The following RERE variants were observed in gnomAD, a reference collection of about 807,000 sequenced individuals.
RERE encodes arginine-glutamic acid dipeptide repeats protein.
Under a neutral mutation model 146.1 loss-of-function variants are expected in RERE, and 40 were observed. The ratio of observed to expected loss-of-function variants is 0.27; its 90% CI spans 0.21 to 0.36. The LOEUF (loss-of-function observed/expected upper bound fraction) is 0.36. Ranked by LOEUF, RERE falls within the 10% of genes least tolerant of loss-of-function variation. RERE has a pLI of 1.00. For synonymous variants in RERE, 1,003 were observed against 866.0 expected (o/e 1.16, Z -2.78); for missense variants, 1,933 against 2,138.7 (o/e 0.90, Z 1.90).
At chr1:8,526,430 G>A (rs1246177629) in intron 7 of RERE, among the ~76,000 whole-genome samples, 2 of 151,460 alleles carry the variant, frequency 1.3e-5, no homozygotes, top group Non-Finnish European at 2.9e-5. Flanking sequence ...AAACATAGTA[G>A]TAGCTACTTA....
intron 1 of RERE, among the ~76,000 whole-genome samples, chr1:8,745,177 T>C (rs1198854911): frequency 1.3e-5 from 2 of 152,096 alleles, no homozygotes; most frequent in East Asian, 3.9e-4. Context: ...GTTTCCCCCA[T>C]GATGTTCTAG....
At chr1:8,501,648 A>C (rs1204913290) in intron 8 of RERE, among the ~76,000 whole-genome samples, 150 of 39,558 alleles carry the variant, frequency 3.8e-3, no homozygotes, top group Middle Eastern at 0.019. Flanking sequence ...CCAGCCGCCC[A>C]GTCCGGGAGG....
rs1350394410 is a variant in RERE, at chr1:8,498,717, A to T, written c.880-1188T>A. On this transcript the variant is annotated intron_variant, in intron 8 of 22. Coordinates refer to ENST00000400908, the MANE Select transcript of RERE (RefSeq NM_001042681.2). Reference sequence around the variant, plus strand: ...TCTCAAAAAAAAAAAAAATAAAAAAAAAAAAATAAATATATACACACACAC... The same window carrying T: ...TCTCAAAAAAAAAAAAAATAAAAAATAAAAAATAAATATATACACACACAC... Among the ~76,000 whole-genome samples the T allele has an allele frequency of 2.4e-3, 322 of 134,248 alleles. 2 individuals are homozygous for T. The highest frequency in any genetic ancestry group is 8.2e-3 in the African/African-American group (289 of 35,050). The allele number at this position is 134,248 out of a possible 152,430, so 88.1% of individuals were successfully genotyped here.
At chr1:8,558,553 A>C (rs1332176055) in intron 4 of RERE, among the ~76,000 whole-genome samples, 2 of 152,216 alleles carry the variant, frequency 1.3e-5, no homozygotes, top group Non-Finnish European at 2.9e-5. Context: ...GAAATGCCTC[A>C]TGTTTATAAA....
rs1640633103 is a variant in RERE at position 8,756,028 on chromosome 1, G to A, written c.-145+61132C>T. Among the ~76,000 whole-genome samples, 3 of 152,096 alleles carry A rather than the reference G, an allele frequency of 2.0e-5. No homozygotes were observed. In the South Asian group the frequency reaches 6.2e-4, roughly 32 times the overall value. ...ACCAAATTATCAGTCAAGTGTGGTG[G>A]CTATAGCTGTAATCCCAGCACTTTG... On this transcript the variant is annotated intron_variant, in intron 1 of 22. Transcript: ENST00000400908.
At chr1:8,614,497 T>C in intron 4 of RERE, 64 bp downstream of exon 4, 1 of 1,493,220 alleles carries the variant, frequency 6.7e-7, no homozygotes, top group Non-Finnish European at 9.1e-7. Flanking sequence ...GGAGGTAATA[T>C]TCCTATTTTA....
In RERE at chr1:8,799,355, G is replaced by A. The variant is rs184584842; in HGVS notation, c.-145+17805C>T. The A allele has an allele frequency of 1.7e-4, 27 of 154,896 alleles. No individual in the cohort carries two copies. In the South Asian group the frequency reaches 3.4e-3, roughly 20 times the overall value. The allele number at this position is 154,896 out of a possible 1,614,324, so 9.6% of individuals were successfully genotyped here. A position where few individuals can be genotyped will look rare whatever the true frequency, so the allele number is the denominator to read the frequency against. ...TCACCTCATGCCCATAAGGTGCTCCGTGGATATCCCCTTGGAGAAAACTCT... is the reference window on the plus strand; with the variant it reads ...TCACCTCATGCCCATAAGGTGCTCCATGGATATCCCCTTGGAGAAAACTCT... On this transcript the variant is annotated intron_variant, in intron 1 of 22. Transcript: ENST00000400908.
Position 8,656,086 on chromosome 1 carries a change from G to A in RERE, c.212C>T (p.Ser71Phe). Residue 71 changes from serine (S) to phenylalanine (F), a missense_variant, in exon 2 of 23, where the codon TCC (serine) becomes TTC (phenylalanine). Coordinates refer to ENST00000400908, the MANE Select transcript of RERE (RefSeq NM_001042681.2). ...NDNNSATAEE[S>F]TKKNKKKPPK... The stretch of plus-strand genomic sequence containing the variant: ...TGGTTTCTTCTTATTCTTCTTCGTG[G>A]ACTCCTCTGCGGTGGCACTATTGTT... 1 of 1,613,824 alleles carries A rather than the reference G, an allele frequency of 6.2e-7. No individual in the cohort carries two copies. Among genetic ancestry groups the A allele is most frequent in the Non-Finnish European group, 8.5e-7 (1 of 1,179,934 alleles).
chr1:8,376,245 A>T (rs1341055485), intron 12 of RERE, among the ~76,000 whole-genome samples: 1 of 152,148 alleles, frequency 6.6e-6, no homozygotes, highest in Non-Finnish European at 1.5e-5. Context: ...ATAGCATCTT[A>T]ATCTTCATAC....
chr1:8,530,467 T>C (rs1645629106), intron 7 of RERE, among the ~76,000 whole-genome samples: 1 of 152,066 alleles, frequency 6.6e-6, no homozygotes. Context: ...TACAACGTTG[T>C]ATTCATTAAC....
chr1:8,508,511 A>T (rs1645287312), intron 8 of RERE, 116 bp downstream of exon 8: 1 of 784,214 alleles, frequency 1.3e-6, no homozygotes, highest in South Asian at 1.6e-5. Context: ...CTCTGTATTT[A>T]TAAAAAATTC....
intron 1 of RERE, among the ~76,000 whole-genome samples, chr1:8,761,229 G>C (rs1366899143): frequency 6.6e-6 from 1 of 152,170 alleles, no homozygotes; most frequent in Non-Finnish European, 1.5e-5. Context: ...AGGATTTTCA[G>C]GTTTTGCAAT....
chr1:8,730,101 C>T (rs903067648), intron 1 of RERE, among the ~76,000 whole-genome samples: 5 of 152,114 alleles, frequency 3.3e-5, no homozygotes, highest in African/African-American at 1.2e-4. Flanking sequence ...GAACCAGATC[C>T]CAGAATGAAC....
intron 1 of RERE, among the ~76,000 whole-genome samples, chr1:8,789,301 A>AAAAAAAAAAAAAAAAAAATATATATATAT: frequency 3.2e-4 from 8 of 24,812 alleles, no homozygotes; most frequent in Admixed American, 1.3e-3. Flanking sequence ...AAAAAAAAAA[A>AAAAAAAAAAAAAAAAAAATATATATATAT]ATATATATAT....
At chr1:8,663,996 C>A (rs973829167) in intron 1 of RERE, among the ~76,000 whole-genome samples, 4 of 152,164 alleles carry the variant, frequency 2.6e-5, no homozygotes, top group Non-Finnish European at 5.9e-5. Context: ...TCTTTGCCCC[C>A]CAATCCTGCC....
At chr1:8,478,211 T>C (rs1378150434) in intron 10 of RERE, among the ~76,000 whole-genome samples, 1 of 152,228 alleles carries the variant, frequency 6.6e-6, no homozygotes, top group Non-Finnish European at 1.5e-5. Flanking sequence ...GCAACTATTA[T>C]GCAAACCAAA....
intron 6 of RERE, among the ~76,000 whole-genome samples, chr1:8,548,482 A>G (rs761711151): frequency 2.0e-5 from 3 of 152,248 alleles, no homozygotes; most frequent in Non-Finnish European, 4.4e-5. Context: ...AACTGACCTA[A>G]GTAAGAGGAA....
intron 7 of RERE, among the ~76,000 whole-genome samples, chr1:8,531,961 C>T (rs564430651): frequency 2.0e-5 from 3 of 152,220 alleles, no homozygotes; most frequent in South Asian, 4.1e-4. Context: ...AGGATAAATG[C>T]TTGAGGGGGT....
intron 10 of RERE, among the ~76,000 whole-genome samples, chr1:8,493,811 C>T (rs1645008953): frequency 6.6e-6 from 1 of 152,182 alleles, no homozygotes; most frequent in Non-Finnish European, 1.5e-5. Context: ...AGCCTACATA[C>T]ACATACACAA....
Sources: gnomAD v4.1 joint callset for allele counts (sites outside exome capture counted in the v4.1 genomes callset) on GRCh38, gnomAD v4.1.1 for gene constraint, MANE v1.5 for transcripts, NCBI Gene and HGNC (gene_info 2026-07-23, HGNC 2026-07-21) for gene names.